The following RPTOR variants were observed in gnomAD, a reference collection of about 807,000 sequenced individuals.
The protein encoded by RPTOR is regulatory associated protein of MTOR complex 1.
A neutral mutation model predicts 169.9 loss-of-function variants in RPTOR; 21 were observed. That is an observed-to-expected ratio of 0.12 (90% CI 0.09 to 0.18). RPTOR has a LOEUF of 0.18. Among genes scored for constraint, RPTOR ranks in the 10% least tolerant of loss-of-function variants. The probability of loss-of-function intolerance (pLI) is 1.00; values close to 1 mark genes in which losing one functional copy is unlikely to be tolerated. For missense variants in RPTOR, 1,133 were observed against 1,855.9 expected (o/e 0.61, Z 7.16); for synonymous variants, 732 against 753.2 (o/e 0.97, Z 0.46).
intron 20 of RPTOR, 40 bp downstream of exon 20, chr17:80,893,905 A>G (rs1197452486): frequency 1.3e-6 from 2 of 1,504,294 alleles, no homozygotes; most frequent in South Asian, 1.3e-5. Context: ...AGGGGCCCCG[A>G]GGGTCTCCTC....
intron 1 of RPTOR, among the ~76,000 whole-genome samples, chr17:80,600,866 G>C (rs1173594962): frequency 1.3e-5 from 1 of 75,684 alleles, no homozygotes; most frequent in Non-Finnish European, 3.1e-5. Context: ...CGCCGCACGT[G>C]CCCTCTCTGC....
rs1002867351 is a variant in RPTOR at position 80,722,658 on chromosome 17, T to A, written c.508-7902T>A. 4.0e-5 allele frequency among the ~76,000 whole-genome samples: 6 copies of A among 151,258 alleles called. 1 individual carries two copies. The highest frequency in any genetic ancestry group is 1.5e-4 in the African/African-American group (6 of 40,558). On this transcript the variant is annotated intron_variant, in intron 4 of 33. Coordinates refer to ENST00000306801, the MANE Select transcript of RPTOR (RefSeq NM_020761.3). ...AGGATCAAAACTAGGTTTGCATTTT[T>A]AAAAAACAATTTGAAATAATTTTAA...
In RPTOR at chr17:80,707,109, G is replaced by A. The variant is rs1462172963; in HGVS notation, c.349-732G>A. 9.9e-5 allele frequency among the ~76,000 whole-genome samples: 15 copies of A among 152,158 alleles called. No homozygotes were observed. Among genetic ancestry groups the A allele is most frequent in the Admixed American group, 9.8e-4 (15 of 15,280 alleles). ...TAAGGGCCCAGGCAGGAGGCGGAGGGAGGAGCTTTCAGCAGGGCGATTCCT... is the reference window on the plus strand; with the variant it reads ...TAAGGGCCCAGGCAGGAGGCGGAGGAAGGAGCTTTCAGCAGGGCGATTCCT... On this transcript the variant is annotated intron_variant, in intron 3 of 33. Coordinates refer to ENST00000306801, the MANE Select transcript of RPTOR (RefSeq NM_020761.3). The surrounding 1 kb of genome is among the most constrained non-coding windows in gnomAD (Gnocchi z 5.0).
At chr17:80,794,549 C>G (rs2067081924) in intron 7 of RPTOR, among the ~76,000 whole-genome samples, 1 of 152,202 alleles carries the variant, frequency 6.6e-6, no homozygotes, top group African/African-American at 2.4e-5. Context: ...TCCCCGCATT[C>G]CTACTCCTGG....
At chr17:80,575,407 A>T (rs1184139451) in intron 1 of RPTOR, among the ~76,000 whole-genome samples, 1 of 152,106 alleles carries the variant, frequency 6.6e-6, no homozygotes, top group Non-Finnish European at 1.5e-5. Context: ...TTTTTCTAGG[A>T]TTTATTTTTG....
In RPTOR at chr17:80,845,156, C is replaced by T. The variant is rs1319536986; in HGVS notation, c.1213-1317C>T. Among the ~76,000 whole-genome samples the T allele has an allele frequency of 1.3e-5, 2 of 152,066 alleles. No individual in the cohort carries two copies. The highest frequency in any genetic ancestry group is 2.9e-5 in the Non-Finnish European group (2 of 67,996). On this transcript the variant is annotated intron_variant, in intron 10 of 33. Transcript: ENST00000306801. This position sits in a 1 kb window ranked among gnomAD's most constrained non-coding sequence, Gnocchi z 5.4. ...CCTTCACGCTCTCCAGCCGCAGGCC[C>T]AGCAGCCCTGCTGCCCACCTGCTCC...
chr17:80,877,076 C>A (rs983974849), intron 13 of RPTOR, among the ~76,000 whole-genome samples: 8 of 144,274 alleles, frequency 5.5e-5, no homozygotes, highest in African/African-American at 1.5e-4. Flanking sequence ...CTGGGTCTTC[C>A]CACTGAGCCC....
At chr17:80,836,277 C>A (rs1287691283) in intron 9 of RPTOR, among the ~76,000 whole-genome samples, 1 of 152,240 alleles carries the variant, frequency 6.6e-6, no homozygotes, top group Non-Finnish European at 1.5e-5. Flanking sequence ...CTCTCCTTCT[C>A]GAAAGTCACA....
At chr17:80,938,907 T>C (rs979690214) in intron 24 of RPTOR, among the ~76,000 whole-genome samples, 1 of 152,186 alleles carries the variant, frequency 6.6e-6, no homozygotes, top group Non-Finnish European at 1.5e-5. Context: ...GATAACCACC[T>C]ACAACGACCG....
At position 80,730,718 on chromosome 17, in the gene RPTOR, G is replaced by A; in HGVS notation, c.654+12G>A. The A allele has an allele frequency of 6.2e-7, 1 of 1,605,148 alleles. No individual in the cohort carries two copies. The highest frequency in any genetic ancestry group is 2.2e-5 in the East Asian group (1 of 44,516). ...AGCAGGAGCTGGAGGTGAGCGCTCTGGTGCTTGGAGAGCGGTGCTGGGTTT... is the reference window on the plus strand; with the variant it reads ...AGCAGGAGCTGGAGGTGAGCGCTCTAGTGCTTGGAGAGCGGTGCTGGGTTT... On this transcript the variant is annotated intron_variant, in intron 5 of 33. Transcript: ENST00000306801. The surrounding 1 kb of genome is among the most constrained non-coding windows in gnomAD (Gnocchi z 4.2).
Position 80,964,926 on chromosome 17 carries a change from G to A in RPTOR, c.*596G>A. 1 of 233,870 alleles carries A rather than the reference G, an allele frequency of 4.3e-6. No individual in the cohort carries two copies. The highest frequency in any genetic ancestry group is 8.4e-6 in the Non-Finnish European group (1 of 118,450). The allele number at this position is 233,870 out of a possible 1,614,324, so 14.5% of individuals were successfully genotyped here. ...CGCCCCTCCAACTGGCGGGTGTGAA[G>A]GAAGCCGCCCAGGGGTCCGGGCTGT... On this transcript the variant is annotated 3_prime_UTR_variant, in exon 34 of 34. Coordinates refer to ENST00000306801, the MANE Select transcript of RPTOR (RefSeq NM_020761.3).
At chr17:80,945,420 A>G (rs767559271) in intron 25 of RPTOR, 63 of 310,292 alleles carry the variant, frequency 2.0e-4, no homozygotes, top group Middle Eastern at 9.4e-4. Context: ...GTGAAACCCC[A>G]TCTCTACTAA....
chr17:80,964,633 G>T lies in RPTOR; in HGVS notation c.*303G>T. ...CTCCTGTTCTGTGTTTCTCTGAGAC[G>T]CTGAAAGGGGAAACACCTCACTTTA... On this transcript the variant is annotated 3_prime_UTR_variant, in exon 34 of 34. Transcript: ENST00000306801. The T allele has an allele frequency of 2.2e-6, 1 of 450,180 alleles. No homozygotes were observed. The highest frequency in any genetic ancestry group is 4.1e-6 in the Non-Finnish European group (1 of 246,608). The allele number at this position is 450,180 out of a possible 1,614,324, so 27.9% of individuals were successfully genotyped here. A position where few individuals can be genotyped will look rare whatever the true frequency, so the allele number is the denominator to read the frequency against.
chr17:80,893,577 A>G (rs2333984), intron 19 of RPTOR, 130 bp from the exon 20 acceptor site: 234,304 of 1,158,510 alleles, frequency 0.2, 25,517 homozygotes, highest in South Asian at 0.35. Context: ...TGTGTGTACC[A>G]GGGTGTGTTT....
intron 1 of RPTOR, among the ~76,000 whole-genome samples, chr17:80,581,097 C>A (rs529364521): frequency 6.6e-6 from 1 of 152,178 alleles, no homozygotes; most frequent in East Asian, 1.9e-4. Context: ...ATTTGGAAGG[C>A]GTGATTACTG....
intron 6 of RPTOR, among the ~76,000 whole-genome samples, chr17:80,786,685 G>A (rs2066995775): frequency 6.6e-6 from 1 of 152,232 alleles, no homozygotes; most frequent in Non-Finnish European, 1.5e-5. Context: ...AGTTCGAACA[G>A]TTGGCTGCCT....
intron 9 of RPTOR, among the ~76,000 whole-genome samples, chr17:80,825,955 G>C (rs1204555093): frequency 6.6e-6 from 1 of 152,220 alleles, no homozygotes; most frequent in Non-Finnish European, 1.5e-5. Context: ...CACTGCTCGT[G>C]AGTGGAGCAG....
intron 1 of RPTOR, among the ~76,000 whole-genome samples, chr17:80,614,093 C>T (rs1248612679): frequency 6.6e-6 from 1 of 152,186 alleles, no homozygotes; most frequent in African/African-American, 2.4e-5. Flanking sequence ...CTCTTCATGT[C>T]AGCACCCCTA....
chr17:80,938,827 T>G lies in RPTOR; in HGVS notation c.2920-1669T>G, dbSNP rs571090345. 2.1e-3 allele frequency among the ~76,000 whole-genome samples: 317 copies of G among 152,310 alleles called. 3 individuals carry two copies. The highest frequency in any genetic ancestry group is 3.5e-3 in the Non-Finnish European group (238 of 68,032). On this transcript the variant is annotated intron_variant, in intron 24 of 33. Transcript: ENST00000306801. ...AGGTTTGGGGCTTGCCTGTTTCTGTTTTGTAATCAGAGCTGACACAAAGCA... is the reference window on the plus strand; with the variant it reads ...AGGTTTGGGGCTTGCCTGTTTCTGTGTTGTAATCAGAGCTGACACAAAGCA...
Sources: allele counts gnomAD v4.1 joint callset (sites outside exome capture counted in the v4.1 genomes callset), GRCh38; gene constraint gnomAD v4.1.1; non-coding constraint Gnocchi (gnomAD v3.1); transcripts MANE v1.5; gene names NCBI Gene and HGNC (gene_info 2026-07-23, HGNC 2026-07-21).